Variants in BCAR3 observed in about 807,000 individuals in gnomAD.
The protein encoded by BCAR3 is breast cancer anti-estrogen resistance protein 3.
In BCAR3, 37 loss-of-function variants were observed where a neutral mutation model predicts 80.1. The observed-to-expected ratio is 0.46, with a 90% CI of 0.36 to 0.61. BCAR3 has a LOEUF of 0.61. Ranked by LOEUF, BCAR3 falls within the 20% of genes least tolerant of loss-of-function variation. The pLI, the probability that BCAR3 is intolerant of heterozygous loss-of-function variation, is 0.00. For synonymous variants in BCAR3, 389 were observed against 418.9 expected, an observed-to-expected ratio of 0.93 and a Z score of 0.87; for missense variants, 978 against 1,068.2, an observed-to-expected ratio of 0.92 and a Z score of 1.18.
At chr1:93,609,181 T>C (rs1234736871) in intron 3 of BCAR3, among the ~76,000 whole-genome samples, 3 of 152,176 alleles carry the variant, frequency 2.0e-5, no homozygotes, top group African/African-American at 4.8e-5. Context: ...GCTCCAGATA[T>C]TTTTTTCAGG....
At chr1:93,784,125 C>A (rs1442557044) in intron 2 of BCAR3, among the ~76,000 whole-genome samples, 1 of 151,728 alleles carries the variant, frequency 6.6e-6, no homozygotes, top group Non-Finnish European at 1.5e-5. Flanking sequence ...CTCAGTTGAG[C>A]CGCATGGCTG....
chr1:93,697,348 C>T (rs1416866076), intron 3 of BCAR3, among the ~76,000 whole-genome samples: 1 of 152,202 alleles, frequency 6.6e-6, no homozygotes, highest in African/African-American at 2.4e-5. Flanking sequence ...AGGGCGTAGC[C>T]CACTTACCTG....
At chr1:93,572,830 C>T (rs1673273423) in intron 8 of BCAR3, among the ~76,000 whole-genome samples, 1 of 152,242 alleles carries the variant, frequency 6.6e-6, no homozygotes, top group African/African-American at 2.4e-5. Context: ...TTACTCCACG[C>T]TGTGCTCTCT....
intron 3 of BCAR3, among the ~76,000 whole-genome samples, chr1:93,691,598 C>T (rs12119000): frequency 0.015 from 2,312 of 152,258 alleles, 29 homozygotes; most frequent in Non-Finnish European, 0.023. Flanking sequence ...GTCCTTGCTC[C>T]CAGCTCAGCA....
intron 11 of BCAR3, among the ~76,000 whole-genome samples, chr1:93,563,696 T>G (rs1360384105): frequency 6.6e-6 from 1 of 152,240 alleles, no homozygotes; most frequent in East Asian, 1.9e-4. Context: ...TATCATTTTT[T>G]ATTTTTATTT....
chr1:93,689,972 G>A (rs1649136014), intron 3 of BCAR3, among the ~76,000 whole-genome samples: 1 of 152,180 alleles, frequency 6.6e-6, no homozygotes, highest in Non-Finnish European at 1.5e-5. Flanking sequence ...TACATACTAA[G>A]ATAAACATCC....
intron 3 of BCAR3, among the ~76,000 whole-genome samples, chr1:93,618,936 T>TG (rs1454937014): frequency 1.3e-5 from 2 of 150,722 alleles, no homozygotes; most frequent in South Asian, 2.1e-4. Flanking sequence ...TTTTTTTTTT[T>TG]TTGTTTTTTT....
intron 2 of BCAR3, among the ~76,000 whole-genome samples, chr1:93,720,495 T>A (rs1380576983): frequency 2.0e-5 from 3 of 152,082 alleles, no homozygotes; most frequent in Non-Finnish European, 4.4e-5. Flanking sequence ...GGCTTCTGCC[T>A]CCAGACCCTG....
At chr1:93,657,561 T>G (rs1422672111) in intron 2 of BCAR3, among the ~76,000 whole-genome samples, 1 of 152,036 alleles carries the variant, frequency 6.6e-6, no homozygotes, top group Non-Finnish European at 1.5e-5. Context: ...ATGTATAAAA[T>G]ATATATCATA....
chr1:93,829,967 C>A (rs1654499122), intron 2 of BCAR3, among the ~76,000 whole-genome samples: 1 of 152,118 alleles, frequency 6.6e-6, no homozygotes, highest in African/African-American at 2.4e-5. Context: ...CTCACAAGAT[C>A]TGGTTGTTTA....
intron 3 of BCAR3, among the ~76,000 whole-genome samples, chr1:93,604,152 T>C (rs1369266673): frequency 2.0e-5 from 3 of 152,216 alleles, no homozygotes; most frequent in Non-Finnish European, 4.4e-5. Flanking sequence ...TTAGTGCCAT[T>C]AAAAACTGAT....
intron 8 of BCAR3, 106 bp downstream of exon 8, chr1:93,575,908 C>T (rs1451126402): frequency 1.1e-6 from 1 of 905,210 alleles, no homozygotes; most frequent in African/African-American, 1.6e-5. Flanking sequence ...AGTACTGTTA[C>T]CCCAGGGCTA....
chr1:93,613,207 T>A (rs1203880741), intron 3 of BCAR3, among the ~76,000 whole-genome samples: 1 of 152,198 alleles, frequency 6.6e-6, no homozygotes, highest in East Asian at 1.9e-4. Flanking sequence ...TAATTCCTAG[T>A]GCGTCACAGG....
At position 93,562,207 on chromosome 1, in the gene BCAR3, T is replaced by C; in HGVS notation, c.*34A>G. 1.9e-6 allele frequency: 3 copies of C among 1,577,792 alleles called. No homozygotes were observed. The highest frequency in any genetic ancestry group is 4.5e-5 in the East Asian group (2 of 44,412). ...TCCCAAAGATGAAGCTGGGGAAACT[T>C]GAAAAGATATTCTAAAGGTTCTCTG... On this transcript the variant is annotated 3_prime_UTR_variant, in exon 12 of 12. Coordinates refer to ENST00000260502, the MANE Select transcript of BCAR3 (RefSeq NM_003567.4).
intron 2 of BCAR3, among the ~76,000 whole-genome samples, chr1:93,755,697 T>G (rs1050142340): frequency 2.6e-5 from 4 of 152,180 alleles, no homozygotes; most frequent in Non-Finnish European, 5.9e-5. Context: ...TTTTTCCAAA[T>G]GTATCCCCAT....
intron 2 of BCAR3, among the ~76,000 whole-genome samples, chr1:93,800,927 C>T (rs933802645): frequency 8.5e-5 from 13 of 152,116 alleles, no homozygotes; most frequent in African/African-American, 1.9e-4. Context: ...TGTTTGATTA[C>T]GCTGAGGAAG....
chr1:93,702,198 G>A (rs868340057), intron 3 of BCAR3, among the ~76,000 whole-genome samples: 1 of 152,176 alleles, frequency 6.6e-6, no homozygotes, highest in Non-Finnish European at 1.5e-5. Flanking sequence ...GCCCCTTCCT[G>A]AAGCTGCGCC....
intron 3 of BCAR3, among the ~76,000 whole-genome samples, chr1:93,615,688 TG>T (rs1410354237): frequency 2.0e-5 from 3 of 152,238 alleles, no homozygotes; most frequent in Non-Finnish European, 4.4e-5. Flanking sequence ...AAGCGTTTTC[TG>T]GCTTGCCCTC....
rs1557838249 is a variant in BCAR3 at position 93,573,617 on chromosome 1, T to TTG, written c.1803-1777_1803-1776insCA. 9.8e-3 allele frequency among the ~76,000 whole-genome samples: 1,369 copies of TTG among 139,226 alleles called. 72 individuals are homozygous for TTG. The highest frequency in any genetic ancestry group is 0.014 in the Non-Finnish European group (927 of 64,676). 91.3% of individuals were successfully genotyped at this position (139,226 alleles called of 152,430 possible). A position where few individuals can be genotyped will look rare whatever the true frequency, so the allele number is the denominator to read the frequency against. ...TAGACCTAAAATATATTTTTATTATTATTATTATTATTATTATTTTTTTTT... is the reference window on the plus strand; with the variant it reads ...TAGACCTAAAATATATTTTTATTATTTGATTATTATTATTATTATTTTTTTTT... On this transcript the variant is annotated intron_variant, in intron 8 of 11. Transcript: ENST00000260502.
Sources: allele counts gnomAD v4.1 joint callset (sites outside exome capture counted in the v4.1 genomes callset), GRCh38; gene constraint gnomAD v4.1.1; transcripts MANE v1.5; gene names NCBI Gene and HGNC (gene_info 2026-07-23, HGNC 2026-07-21).